The following PXDN variants were observed in gnomAD, a reference collection of about 807,000 sequenced individuals.
The protein encoded by PXDN is peroxidasin homolog.
PXDN carries 77 observed loss-of-function variants against 140.3 expected under a neutral mutation model. That is an observed-to-expected ratio of 0.55 (90% CI 0.46 to 0.66). PXDN has a LOEUF of 0.66. PXDN is among the 30% of genes least tolerant of loss of function. PXDN has a pLI of 0.00. For missense variants in PXDN, 1,838 were observed against 2,039.5 expected (o/e 0.90, Z 1.90); for synonymous variants, 911 against 857.4 (o/e 1.06, Z -1.09).
intron 1 of PXDN, among the ~76,000 whole-genome samples, chr2:1,738,767 G>A (rs986734936): frequency 6.6e-5 from 10 of 152,006 alleles, no homozygotes; most frequent in Non-Finnish European, 1.2e-4. Context: ...GCTGGCCTTC[G>A]AACTCCCGAG....
intron 1 of PXDN, among the ~76,000 whole-genome samples, chr2:1,740,116 GCAGT>G (rs1050243280): frequency 9.9e-5 from 15 of 152,208 alleles, no homozygotes; most frequent in African/African-American, 3.6e-4. Context: ...CCCAGAAGAC[GCAGT>G]CAGATGTGAG....
At chr2:1,740,583 C>G (rs1572208438) in intron 1 of PXDN, among the ~76,000 whole-genome samples, 1 of 152,014 alleles carries the variant, frequency 6.6e-6, no homozygotes, top group African/African-American at 2.4e-5. Context: ...CTGGTCCACT[C>G]AGTCCAGACC....
chr2:1,681,379 T>C (rs1683900722), intron 6 of PXDN, among the ~76,000 whole-genome samples: 1 of 152,084 alleles, frequency 6.6e-6, no homozygotes, highest in African/African-American at 2.4e-5. Flanking sequence ...AGCCTAAATT[T>C]TTGTGGCCAT....
intron 5 of PXDN, 144 bp from the exon 6 acceptor site, chr2:1,683,871 A>G: frequency 1.1e-6 from 1 of 915,612 alleles, no homozygotes; most frequent in South Asian, 1.7e-5. Context: ...TCTGAAAACA[A>G]AAGAAATGGT....
intron 1 of PXDN, among the ~76,000 whole-genome samples, chr2:1,732,840 T>G (rs796274774): frequency 2.0e-4 from 30 of 152,340 alleles, no homozygotes; most frequent in African/African-American, 7.2e-4. Flanking sequence ...ATGTTAGAGT[T>G]AGCAGATTAT....
intron 14 of PXDN, among the ~76,000 whole-genome samples, chr2:1,657,320 AGAAACCAGCCCCAACCTGACT>A (rs1231450762): frequency 4.3e-4 from 58 of 136,466 alleles, no homozygotes; most frequent in South Asian, 1.7e-3. Context: ...CCCTCCTGAC[AGAAACCAGCCCCAACCTGACT>A]GAAACCAGCC....
chr2:1,646,240 G>A (rs924126128), intron 17 of PXDN: 8 of 152,248 alleles, frequency 5.3e-5, no homozygotes, highest in African/African-American at 1.7e-4. Flanking sequence ...ATAAAGAGAC[G>A]AGGGGCTCAG....
intron 1 of PXDN, among the ~76,000 whole-genome samples, chr2:1,713,909 C>G (rs1214700591): frequency 6.6e-6 from 1 of 152,226 alleles, no homozygotes; most frequent in African/African-American, 2.4e-5. Context: ...AGTGCCTCAG[C>G]AGGCAGGAAG....
chr2:1,729,781 A>G (rs931409124), intron 1 of PXDN, among the ~76,000 whole-genome samples: 7 of 152,240 alleles, frequency 4.6e-5, no homozygotes, highest in African/African-American at 1.4e-4. Flanking sequence ...ACAAAAATGC[A>G]TGCAATCACA....
intron 7 of PXDN, 147 bp downstream of exon 7, chr2:1,680,046 G>A: frequency 9.8e-7 from 1 of 1,015,560 alleles, no homozygotes; most frequent in Non-Finnish European, 1.4e-6. Context: ...TGTGTGGTTT[G>A]TGTCTGCGCG....
intron 14 of PXDN, among the ~76,000 whole-genome samples, chr2:1,657,491 A>G (rs902465501): frequency 1.3e-5 from 2 of 150,864 alleles, no homozygotes; most frequent in African/African-American, 4.9e-5. Context: ...TCCCGACTGA[A>G]GCCTGCCACC....
At chr2:1,677,799 G>A (rs148034085) in intron 7 of PXDN, among the ~76,000 whole-genome samples, 6 of 152,338 alleles carry the variant, frequency 3.9e-5, no homozygotes, top group African/African-American at 9.6e-5. Context: ...TCTCTGCCTC[G>A]TCACCTCAGT....
At chr2:1,674,784 A>G (rs1265854588) in intron 8 of PXDN, among the ~76,000 whole-genome samples, 1 of 152,132 alleles carries the variant, frequency 6.6e-6, no homozygotes, top group Non-Finnish European at 1.5e-5. Flanking sequence ...GAGAACTCCT[A>G]CTTGCAGATC....
At chr2:1,727,448 C>T (rs967431508) in intron 1 of PXDN, among the ~76,000 whole-genome samples, 1 of 152,228 alleles carries the variant, frequency 6.6e-6, no homozygotes, top group Non-Finnish European at 1.5e-5. Context: ...TTCCTCACTC[C>T]TCAGGACCCC....
chr2:1,684,124 A>G lies in PXDN; in HGVS notation c.444T>C (p.Thr148=), dbSNP rs1469674973. The G allele has an allele frequency of 4.4e-6, 7 of 1,586,598 alleles. No homozygotes were observed. The highest frequency in any genetic ancestry group is 6.0e-6 in the Non-Finnish European group (7 of 1,165,632). The change falls in exon 5 of 23, where the codon ACT becomes ACC. Residue 148 remains threonine, a synonymous_variant. Transcript: ENST00000252804. Reference sequence around the variant, plus strand: ...GATGCTGGAACGAATCTGGGTCCAAAGTTTCTATCTGATTAAAGTGCAGGT... The same window carrying G: ...GATGCTGGAACGAATCTGGGTCCAAGGTTTCTATCTGATTAAAGTGCAGGT... ...QLYLHFNQIE[T]LDPDSFQHLP...
At chr2:1,689,597 A>C (rs946792961) in intron 3 of PXDN, among the ~76,000 whole-genome samples, 25 of 152,312 alleles carry the variant, frequency 1.6e-4, no homozygotes, top group African/African-American at 6.0e-4. Flanking sequence ...AGCCTGACCA[A>C]AATGGTGAAA....
rs1683434733 is a variant in PXDN at position 1,666,194 on chromosome 2, C to T, written c.1291+20G>A. The T allele has an allele frequency of 6.2e-7, 1 of 1,611,208 alleles. No homozygotes were observed. Among genetic ancestry groups the T allele is most frequent in the Admixed American group, 1.7e-5 (1 of 59,976 alleles). ...GGATGGGGCTGAGCCCTGGCTCTGG[C>T]ACAGAGGATGGATACCCACCCTGGA... On this transcript the variant is annotated intron_variant, in intron 10 of 22. Transcript: ENST00000252804.
chr2:1,662,468 G>A (rs1237925737), intron 12 of PXDN, among the ~76,000 whole-genome samples: 1 of 152,190 alleles, frequency 6.6e-6, no homozygotes, highest in African/African-American at 2.4e-5. Flanking sequence ...CAGGGTCCAG[G>A]ATGGGCTGGC....
chr2:1,679,088 A>G (rs952215931), intron 7 of PXDN, among the ~76,000 whole-genome samples: 25 of 148,052 alleles, frequency 1.7e-4, no homozygotes, highest in Admixed American at 9.4e-4. Flanking sequence ...ATGTGCATGC[A>G]TGTGTGTGTG....
Sources: gnomAD v4.1 joint callset for allele counts (sites outside exome capture counted in the v4.1 genomes callset) on GRCh38, gnomAD v4.1.1 for gene constraint, MANE v1.5 for transcripts, NCBI Gene and HGNC (gene_info 2026-07-23, HGNC 2026-07-21) for gene names.